Variants in STK40 observed in about 807,000 individuals in gnomAD.
STK40 encodes serine/threonine kinase 40, also known as serine/threonine-protein kinase 40.
A neutral mutation model predicts 47.9 loss-of-function variants in STK40; 13 were observed. The ratio of observed to expected loss-of-function variants is 0.27; its 90% CI spans 0.18 to 0.43. STK40 has a LOEUF of 0.43. Among genes scored for constraint, STK40 ranks in the 20% least tolerant of loss-of-function variants. The probability of loss-of-function intolerance (pLI) is 1.00; values close to 1 mark genes in which losing one functional copy is unlikely to be tolerated. For synonymous variants in STK40, 225 were observed against 243.2 expected, an observed-to-expected ratio of 0.93 and a Z score of 0.69; for missense variants, 460 against 595.1, an observed-to-expected ratio of 0.77 and a Z score of 2.36.
At chr1:36,382,025 A>G (rs1647043765) in intron 1 of STK40, among the ~76,000 whole-genome samples, 1 of 152,056 alleles carries the variant, frequency 6.6e-6, no homozygotes, top group African/African-American at 2.4e-5. Context: ...CCAGCCACAC[A>G]TGGGAGCTCA....
At chr1:36,355,504 T>C (rs2124734251) in intron 4 of STK40, 71 bp from the exon 5 acceptor site, 2 of 1,493,494 alleles carry the variant, frequency 1.3e-6, no homozygotes, top group South Asian at 1.1e-5. Flanking sequence ...CCTGGGACTC[T>C]CCTCTGGAGT....
chr1:36,345,128 C>G (rs759365257), intron 7 of STK40, among the ~76,000 whole-genome samples: 34 of 152,250 alleles, frequency 2.2e-4, no homozygotes, highest in Non-Finnish European at 4.1e-4. Context: ...ATGAAGACCA[C>G]TGGAGCATTT....
intron 9 of STK40, 120 bp from the exon 10 acceptor site, chr1:36,343,568 C>A: frequency 9.4e-7 from 1 of 1,059,766 alleles, no homozygotes; most frequent in South Asian, 1.6e-5. Context: ...CTTCTCTGAG[C>A]CTCAGTTTTC....
intron 1 of STK40, among the ~76,000 whole-genome samples, chr1:36,362,303 G>A (rs1248440936): frequency 6.6e-6 from 1 of 152,218 alleles, no homozygotes; most frequent in South Asian, 2.1e-4. Context: ...GTGTACAGAC[G>A]AGTTCCACAT....
intron 4 of STK40, 141 bp downstream of exon 4, chr1:36,358,098 C>T (rs1646820387): frequency 9.3e-7 from 1 of 1,078,114 alleles, no homozygotes; most frequent in African/African-American, 1.6e-5. Context: ...ATCTCACCCA[C>T]CCTGGAAGTC....
chr1:36,363,596 G>A (rs1457186210), intron 1 of STK40, among the ~76,000 whole-genome samples: 1 of 151,328 alleles, frequency 6.6e-6, no homozygotes, highest in African/African-American at 2.4e-5. Context: ...CACCAGGTCA[G>A]GAGAGCGAGA....
intron 1 of STK40, among the ~76,000 whole-genome samples, chr1:36,365,210 G>A (rs950583429): frequency 1.3e-5 from 2 of 152,094 alleles, no homozygotes; most frequent in South Asian, 2.1e-4. Context: ...GGCTGGTCTC[G>A]AACTCCCGAC....
Position 36,344,185 on chromosome 1 carries a change from G to A in STK40, c.819C>T (p.Pro273=), listed in dbSNP as rs1267858976. 3 of 1,612,968 alleles carry A rather than the reference G, an allele frequency of 1.9e-6. No homozygotes were observed. The highest frequency in any genetic ancestry group is 2.7e-5 in the African/African-American group (2 of 74,608). ...GCTCCTGCGGGATGCTGTCGTAGAA[G>A]GGGAACTGGCCATACAGCATGGTGA... ...VLFTMLYGQF[P]FYDSIPQELF... Residue 273 remains proline, a synonymous_variant, in exon 8 of 11, where the codon CCC becomes CCT. Coordinates refer to ENST00000373132, the MANE Select transcript of STK40 (RefSeq NM_001282547.2).
At position 36,344,268 on chromosome 1, in the gene STK40, C is replaced by T. The variant is rs777058756; in HGVS notation, c.740-4G>A. 34 of 1,591,828 alleles carry T rather than the reference C, an allele frequency of 2.1e-5. No homozygotes were observed. Among genetic ancestry groups the T allele is most frequent in the Admixed American group, 8.5e-5 (5 of 58,626 alleles). ...GGCTTGCCACGGTACGGCCGGCCTA[C>T]GGGCACACACATACCACACTGTCTT... On this transcript the variant is annotated splice_region_variant and splice_polypyrimidine_tract_variant and intron_variant, in intron 7 of 10. Coordinates refer to ENST00000373132, the MANE Select transcript of STK40 (RefSeq NM_001282547.2).
chr1:36,352,711 C>T (rs772257483), intron 6 of STK40, among the ~76,000 whole-genome samples: 4 of 152,318 alleles, frequency 2.6e-5, no homozygotes, highest in South Asian at 4.1e-4. Flanking sequence ...TCATCCTTCA[C>T]GAATTGACTC....
intron 1 of STK40, chr1:36,372,630 A>G (rs572757260): frequency 2.6e-5 from 4 of 152,276 alleles, no homozygotes; most frequent in African/African-American, 7.2e-5. Flanking sequence ...GGTTCCAGGC[A>G]TGCCAAGCAC....
intron 2 of STK40, 24 bp from the exon 3 acceptor site, chr1:36,358,846 C>T (rs954221253): frequency 5.0e-6 from 8 of 1,613,914 alleles, no homozygotes; most frequent in Non-Finnish European, 6.8e-6. Context: ...AGCTGCTGGT[C>T]TACTTTTCAG....
intron 1 of STK40, among the ~76,000 whole-genome samples, chr1:36,371,435 T>A (rs911361821): frequency 6.6e-6 from 1 of 150,970 alleles, no homozygotes; most frequent in African/African-American, 2.4e-5. Context: ...GCGCCTGTAG[T>A]GCCAGCTACT....
chr1:36,348,659 G>T, intron 7 of STK40, 41 bp downstream of exon 7: 1 of 1,543,968 alleles, frequency 6.5e-7, no homozygotes, highest in Non-Finnish European at 8.8e-7. Context: ...GAGCCTGGCT[G>T]TATTGAGCTT....
intron 6 of STK40, among the ~76,000 whole-genome samples, chr1:36,350,840 C>T (rs553866297): frequency 6.6e-6 from 1 of 152,318 alleles, no homozygotes; most frequent in Admixed American, 6.5e-5. Flanking sequence ...GCAGGCACAG[C>T]TGAGGCTCTG....
intron 9 of STK40, 71 bp downstream of exon 9, chr1:36,343,789 C>T: frequency 2.6e-6 from 4 of 1,511,432 alleles, no homozygotes; most frequent in Non-Finnish European, 3.5e-6. Flanking sequence ...CTACTGGCTG[C>T]TTTTCTGGGT....
At chr1:36,373,014 A>C (rs55862173) in intron 1 of STK40, among the ~76,000 whole-genome samples, 24,921 of 152,166 alleles carry the variant, frequency 0.16, 2,520 homozygotes, top group Middle Eastern at 0.28. Context: ...AGCCATGGAC[A>C]AGTTACGCAA....
At chr1:36,353,705 G>A (rs115767921) in intron 6 of STK40, among the ~76,000 whole-genome samples, 1,764 of 152,304 alleles carry the variant, frequency 0.012, 32 homozygotes, top group African/African-American at 0.04. Flanking sequence ...AAGGCCAAGC[G>A]CGGGCCATCT....
At chr1:36,355,463 G>C in intron 4 of STK40, 30 bp from the exon 5 acceptor site, 1 of 1,612,362 alleles carries the variant, frequency 6.2e-7, no homozygotes, top group Non-Finnish European at 8.5e-7. Context: ...CGCAGGGCTT[G>C]GCTGTGAACT....
Sources: gnomAD v4.1 joint callset for allele counts (sites outside exome capture counted in the v4.1 genomes callset) on GRCh38, gnomAD v4.1.1 for gene constraint, MANE v1.5 for transcripts, NCBI Gene and HGNC (gene_info 2026-07-23, HGNC 2026-07-21) for gene names.